Variants in ENOX1 observed in about 807,000 individuals in gnomAD.
ENOX1 encodes ecto-NOX disulfide-thiol exchanger 1, also known as candidate growth-related and time keeping constitutive hydroquinone (NADH) oxidase.
A neutral mutation model predicts 82.5 loss-of-function variants in ENOX1; 42 were observed. The ratio of observed to expected loss-of-function variants is 0.51; its 90% CI spans 0.40 to 0.66. The LOEUF is 0.66. Ranked by LOEUF, ENOX1 falls within the 30% of genes least tolerant of loss-of-function variation. ENOX1 has a pLI of 0.00. For synonymous variants in ENOX1, 271 were observed against 282.2 expected (o/e 0.96, Z 0.40); for missense variants, 608 against 811.6 (o/e 0.75, Z 3.05).
intron 14 of ENOX1, among the ~76,000 whole-genome samples, chr13:43,263,930 TGA>T (rs1237341358): frequency 6.6e-6 from 1 of 150,522 alleles, no homozygotes; most frequent in Non-Finnish European, 1.5e-5. Flanking sequence ...GTCATGAATA[TGA>T]GAGTGGAAAG....
chr13:43,592,543 TTTAAG>T (rs1289602699), intron 2 of ENOX1, among the ~76,000 whole-genome samples: 2 of 152,240 alleles, frequency 1.3e-5, no homozygotes, highest in South Asian at 2.1e-4. Flanking sequence ...TAGAATGTGA[TTTAAG>T]TTAATTCCTC....
intron 12 of ENOX1, among the ~76,000 whole-genome samples, chr13:43,292,461 GA>G (rs2046052054): frequency 6.6e-6 from 1 of 151,986 alleles, no homozygotes; most frequent in African/African-American, 2.4e-5. Flanking sequence ...AAATGATCAA[GA>G]AAAAGGAAAG....
intron 1 of ENOX1, among the ~76,000 whole-genome samples, chr13:43,742,209 A>G (rs1265762254): frequency 6.6e-6 from 1 of 152,084 alleles, no homozygotes; most frequent in Middle Eastern, 3.2e-3. Flanking sequence ...ATTATGAAGT[A>G]TTGGCACACA....
intron 1 of ENOX1, among the ~76,000 whole-genome samples, chr13:43,782,334 G>C (rs1221417449): frequency 2.0e-5 from 3 of 152,162 alleles, no homozygotes. Context: ...TTTAAATTCA[G>C]ATTAATCCTA....
chr13:43,470,377 C>CGTATATATGTATATATATGT lies in ENOX1; in HGVS notation c.-75+13631_-75+13632insACATATATATACATATATAC, dbSNP rs1297678055. Among the ~76,000 whole-genome samples the CGTATATATGTATATATATGT allele has an allele frequency of 1.5e-4, 4 of 27,038 alleles. 1 individual carries two copies. The highest frequency in any genetic ancestry group is 5.1e-4 in the African/African-American group (4 of 7,858). 17.7% of individuals were successfully genotyped at this position (27,038 alleles called of 152,430 possible). ...ATGTATATATATACGTATATATATA[C>CGTATATATGTATATATATGT]ATATATATACGTATATATATGTGTA... is the stretch of plus-strand genomic sequence containing the variant. On this transcript the variant is annotated intron_variant, in intron 3 of 16. Transcript: ENST00000690772.
At chr13:43,487,411 T>C (rs995857173) in intron 2 of ENOX1, among the ~76,000 whole-genome samples, 4 of 152,146 alleles carry the variant, frequency 2.6e-5, no homozygotes, top group Non-Finnish European at 4.4e-5. Flanking sequence ...AGCCAGAATA[T>C]GATATACTTT....
At position 43,671,886 on chromosome 13, in the gene ENOX1, A is replaced by G. The variant is rs568503911; in HGVS notation, c.-284-4342T>C. On this transcript the variant is annotated intron_variant, in intron 1 of 16. Coordinates refer to ENST00000690772, the MANE Select transcript of ENOX1 (RefSeq NM_001347969.2). ...CAACCAAGAGTTTAGTGGAAAAGCC[A>G]GTAGTGGAAATTTGTTGTAACTTGC... 8.5e-5 allele frequency among the ~76,000 whole-genome samples: 13 copies of G among 152,350 alleles called. No individual in the cohort carries two copies. In the East Asian group the frequency reaches 2.3e-3, roughly 27 times the overall value.
chr13:43,428,248 G>T lies in ENOX1; in HGVS notation c.-74-15260C>A, dbSNP rs1179859847. 2.0e-5 allele frequency among the ~76,000 whole-genome samples: 3 copies of T among 152,178 alleles called. No individual in the cohort carries two copies. In the East Asian group the frequency reaches 5.8e-4, roughly 29 times the overall value. ...TCTTAAATAAGTCAGAATAATAATT[G>T]TGTACTTAGAGAAAGAGAGAGAGAG... On this transcript the variant is annotated intron_variant, in intron 3 of 16. Transcript: ENST00000690772.
At chr13:43,285,135 G>C (rs2045619951) in intron 12 of ENOX1, among the ~76,000 whole-genome samples, 1 of 152,184 alleles carries the variant, frequency 6.6e-6, no homozygotes, top group Admixed American at 6.5e-5. Context: ...TGACTATTCA[G>C]GGTGCTTTGT....
chr13:43,614,161 C>A (rs2082310883), intron 2 of ENOX1, among the ~76,000 whole-genome samples: 3 of 152,160 alleles, frequency 2.0e-5, no homozygotes, highest in Admixed American at 2.0e-4. Flanking sequence ...CCTCACCCAT[C>A]AGGAACAGGA....
At chr13:43,762,127 C>G in intron 1 of ENOX1, among the ~76,000 whole-genome samples, 1 of 152,070 alleles carries the variant, frequency 6.6e-6, no homozygotes, top group African/African-American at 2.4e-5. Context: ...GGCAACATCT[C>G]GATTAAGCGG....
At chr13:43,732,909 T>G (rs1236807495) in intron 1 of ENOX1, among the ~76,000 whole-genome samples, 3 of 152,226 alleles carry the variant, frequency 2.0e-5, no homozygotes, top group African/African-American at 7.2e-5. Flanking sequence ...TCAGTGCCCA[T>G]GTTGCAGACA....
intron 5 of ENOX1, among the ~76,000 whole-genome samples, chr13:43,391,527 T>A (rs76648773): frequency 6.3e-4 from 96 of 152,164 alleles, no homozygotes; most frequent in African/African-American, 2.3e-3. Context: ...AGTGCATGAT[T>A]TCTCCCTCTA....
rs149958310 is a variant in ENOX1, at chr13:43,440,734, A to G, written c.-74-27746T>C. 2.2e-3 allele frequency among the ~76,000 whole-genome samples: 339 copies of G among 152,350 alleles called. 1 individual carries two copies. Among genetic ancestry groups the G allele is most frequent in the Middle Eastern group, 0.017 (5 of 294 alleles). On this transcript the variant is annotated intron_variant, in intron 3 of 16. Transcript: ENST00000690772. ...ATACAAATCACTGAAGTATCATTTT[A>G]TCCAGGTAAATTTATACATATGTAT...
chr13:43,693,772 G>A (rs2086493778), intron 1 of ENOX1, among the ~76,000 whole-genome samples: 1 of 152,088 alleles, frequency 6.6e-6, no homozygotes, highest in Admixed American at 6.6e-5. Flanking sequence ...TCATGTCTAT[G>A]ATTAGCCAAT....
chr13:43,733,347 C>T (rs151139176), intron 1 of ENOX1, among the ~76,000 whole-genome samples: 1 of 152,276 alleles, frequency 6.6e-6, no homozygotes, highest in South Asian at 2.1e-4. Context: ...ATGGAAGGCA[C>T]AGTAACTGTG....
chr13:43,225,476 TA>T (rs1323665512), intron 15 of ENOX1, among the ~76,000 whole-genome samples: 1 of 152,212 alleles, frequency 6.6e-6, no homozygotes, highest in Non-Finnish European at 1.5e-5. Flanking sequence ...AGCTTTCTGT[TA>T]AAAAAGTTTC....
At chr13:43,216,989 A>G (rs916348319) in intron 16 of ENOX1, among the ~76,000 whole-genome samples, 1 of 152,148 alleles carries the variant, frequency 6.6e-6, no homozygotes, top group African/African-American at 2.4e-5. Flanking sequence ...ACACTCTCAT[A>G]AGATAGGGAA....
intron 12 of ENOX1, among the ~76,000 whole-genome samples, chr13:43,277,528 A>T: frequency 6.6e-6 from 1 of 152,120 alleles, no homozygotes; most frequent in East Asian, 1.9e-4. Context: ...CTGGCTTCTC[A>T]TGGGGGTGCC....
Sources: gnomAD v4.1 joint callset for allele counts (sites outside exome capture counted in the v4.1 genomes callset) on GRCh38, gnomAD v4.1.1 for gene constraint, MANE v1.5 for transcripts, NCBI Gene and HGNC (gene_info 2026-07-23, HGNC 2026-07-21) for gene names.